Variants in PTPRM observed in about 807,000 individuals in gnomAD.
PTPRM encodes receptor-type tyrosine-protein phosphatase mu.
In PTPRM, 47 loss-of-function variants were observed where a neutral mutation model predicts 186.7. That is an observed-to-expected ratio of 0.25 (90% CI 0.20 to 0.32). The LOEUF (loss-of-function observed/expected upper bound fraction) is 0.32. Ranked by LOEUF, PTPRM falls within the 10% of genes least tolerant of loss-of-function variation. The pLI is 1.00. For missense variants in PTPRM, 1,494 were observed against 1,865.0 expected (o/e 0.80, Z 3.66); for synonymous variants, 668 against 674.9 (o/e 0.99, Z 0.16).
At chr18:7,706,812 T>G (rs932204929) in intron 1 of PTPRM, among the ~76,000 whole-genome samples, 2 of 151,994 alleles carry the variant, frequency 1.3e-5, no homozygotes, top group African/African-American at 4.8e-5. Context: ...ACTATAAATA[T>G]TGAGAATTTT....
At position 8,311,913 on chromosome 18, in the gene PTPRM, G is replaced by A. The variant is rs187907464; in HGVS notation, c.2843-2868G>A. 6.6e-5 allele frequency among the ~76,000 whole-genome samples: 10 copies of A among 152,290 alleles called. No individual in the cohort carries two copies. In the East Asian group the frequency reaches 1.7e-3, roughly 27 times the overall value. On this transcript the variant is annotated intron_variant, in intron 20 of 32. Coordinates refer to ENST00000580170, the MANE Select transcript of PTPRM (RefSeq NM_001105244.2). ...ATGGGTGGTAAATCACAGGGAATGA[G>A]CAGCACTCATCCTGAGGAGCTCAGA...
At chr18:8,003,162 A>C (rs2083971111) in intron 7 of PTPRM, among the ~76,000 whole-genome samples, 1 of 152,182 alleles carries the variant, frequency 6.6e-6, no homozygotes, top group Non-Finnish European at 1.5e-5. Flanking sequence ...GGGCGGGGCC[A>C]GGTGGAGATA....
chr18:8,303,461 G>A (rs1057359216), intron 20 of PTPRM, among the ~76,000 whole-genome samples: 1 of 152,166 alleles, frequency 6.6e-6, no homozygotes, highest in Non-Finnish European at 1.5e-5. Context: ...TGCTAATTGA[G>A]TGACTCCAAC....
chr18:8,161,962 A>C (rs1438323835), intron 14 of PTPRM, among the ~76,000 whole-genome samples: 2 of 152,178 alleles, frequency 1.3e-5, no homozygotes, highest in Admixed American at 6.5e-5. Flanking sequence ...TGTGTTCTGC[A>C]CTGGGATTGC....
chr18:7,956,058 TGAAGCTCCCCAATTAGA>T lies in PTPRM; in HGVS notation c.1132+647_1132+663del, dbSNP rs1382130954. Reference sequence around the variant, plus strand: ...AATCTTCCAAAAATCAAAACCTGAATGAAGCTCCCCAATTAGAGATTGTAGTGTTGTTTCCGTATGGC... The same window carrying T: ...AATCTTCCAAAAATCAAAACCTGAATGATTGTAGTGTTGTTTCCGTATGGC... On this transcript the variant is annotated intron_variant, in intron 7 of 32. Transcript: ENST00000580170. 2.0e-5 allele frequency among the ~76,000 whole-genome samples: 3 copies of T among 152,286 alleles called. No homozygotes were observed. The East Asian group carries it at 5.8e-4, about 29-fold the overall frequency.
chr18:8,139,885 A>G (rs1359564960), intron 13 of PTPRM, among the ~76,000 whole-genome samples: 2 of 152,146 alleles, frequency 1.3e-5, no homozygotes, highest in Non-Finnish European at 2.9e-5. Flanking sequence ...CCCCACAAGG[A>G]TTTAAGTTCC....
chr18:7,830,786 T>G (rs1483110589), intron 2 of PTPRM, among the ~76,000 whole-genome samples: 1 of 152,206 alleles, frequency 6.6e-6, no homozygotes, highest in Non-Finnish European at 1.5e-5. Flanking sequence ...GGTAAGTCTG[T>G]GTCCTTCCTC....
intron 2 of PTPRM, among the ~76,000 whole-genome samples, chr18:7,842,527 AGTGG>A (rs1391976499): frequency 6.6e-6 from 1 of 152,170 alleles, no homozygotes; most frequent in Non-Finnish European, 1.5e-5. Flanking sequence ...CATTTAAATC[AGTGG>A]GCTTGAGTTG....
intron 1 of PTPRM, among the ~76,000 whole-genome samples, chr18:7,719,956 C>T (rs548457426): frequency 1.3e-5 from 2 of 152,056 alleles, no homozygotes; most frequent in South Asian, 2.1e-4. Flanking sequence ...CCAAACTACT[C>T]GTTAGACTGA....
chr18:7,790,449 G>C (rs2043286555), intron 2 of PTPRM, among the ~76,000 whole-genome samples: 2 of 152,148 alleles, frequency 1.3e-5, no homozygotes, highest in Admixed American at 1.3e-4. Context: ...CGGTTTTCTG[G>C]GATCAGCATA....
chr18:7,818,933 C>G lies in PTPRM; in HGVS notation c.196+44662C>G, dbSNP rs570597544. Among the ~76,000 whole-genome samples the G allele has an allele frequency of 3.2e-4, 48 of 152,100 alleles. 2 individuals are homozygous for G. The highest frequency in any genetic ancestry group is 2.3e-3 in the Admixed American group (35 of 15,280). On this transcript the variant is annotated intron_variant, in intron 2 of 32. Coordinates refer to ENST00000580170, the MANE Select transcript of PTPRM (RefSeq NM_001105244.2). Reference sequence around the variant, plus strand: ...GGTGGAGAGGATTATAGACAGAGCCCTAGAAACCTCAGGTGTGAAAAGTGT... The same window carrying G: ...GGTGGAGAGGATTATAGACAGAGCCGTAGAAACCTCAGGTGTGAAAAGTGT...
rs533269501 is a variant in PTPRM at position 7,577,761 on chromosome 18, T to C, written c.73+9870T>C. 3.3e-5 allele frequency among the ~76,000 whole-genome samples: 5 copies of C among 152,272 alleles called. No individual in the cohort carries two copies. In the East Asian group the frequency reaches 7.7e-4, roughly 24 times the overall value. On this transcript the variant is annotated intron_variant, in intron 1 of 32. Transcript: ENST00000580170. ...TTCAGGTCATTGGCTCTCATTGGCATTGTGTTCTGTGTGTGTGTGTGTGAG... is the reference window on the plus strand; with the variant it reads ...TTCAGGTCATTGGCTCTCATTGGCACTGTGTTCTGTGTGTGTGTGTGTGAG...
chr18:7,870,709 A>G (rs1406151252), intron 2 of PTPRM, among the ~76,000 whole-genome samples: 1 of 152,238 alleles, frequency 6.6e-6, no homozygotes, highest in Non-Finnish European at 1.5e-5. Context: ...TATTTGAAAT[A>G]TAAAATCACT....
At chr18:8,217,789 A>G (rs548005239) in intron 14 of PTPRM, among the ~76,000 whole-genome samples, 1 of 152,294 alleles carries the variant, frequency 6.6e-6, no homozygotes, top group East Asian at 1.9e-4. Context: ...ATTTCCGTAC[A>G]TCACTACACG....
intron 1 of PTPRM, among the ~76,000 whole-genome samples, chr18:7,584,235 A>G (rs1230677813): frequency 6.6e-6 from 1 of 152,242 alleles, no homozygotes; most frequent in Non-Finnish European, 1.5e-5. Flanking sequence ...GCAATTATGA[A>G]TTCAGACATT....
At chr18:8,123,600 T>C (rs528028848) in intron 13 of PTPRM, among the ~76,000 whole-genome samples, 2 of 152,236 alleles carry the variant, frequency 1.3e-5, no homozygotes, top group African/African-American at 4.8e-5. Context: ...AGTATTTCTT[T>C]TCCTGATTGA....
chr18:8,230,899 A>G (rs1002016531), intron 14 of PTPRM, among the ~76,000 whole-genome samples: 26 of 152,182 alleles, frequency 1.7e-4, no homozygotes, highest in African/African-American at 5.8e-4. Flanking sequence ...GGTATAATAT[A>G]TGCATTGTTT....
rs186893497 is a variant in PTPRM, at chr18:7,714,950, C to T, written c.74-59199C>T. ...TTCTACGAGAGGTACAAAGACCATT[C>T]CTTCCGAAACTATTCCAAACAATAG... On this transcript the variant is annotated intron_variant, in intron 1 of 32. Transcript: ENST00000580170. Among the ~76,000 whole-genome samples the T allele has an allele frequency of 4.6e-4, 69 of 151,436 alleles. 1 individual carries two copies. The East Asian group carries it at 0.013, about 28-fold the overall frequency.
intron 7 of PTPRM, among the ~76,000 whole-genome samples, chr18:7,996,001 TC>T (rs1233498501): frequency 6.6e-6 from 1 of 152,162 alleles, no homozygotes; most frequent in Non-Finnish European, 1.5e-5. Context: ...CCTTGGTTTT[TC>T]TGGGCTTCTG....
Sources: gnomAD v4.1 joint callset for allele counts (sites outside exome capture counted in the v4.1 genomes callset) on GRCh38, gnomAD v4.1.1 for gene constraint, MANE v1.5 for transcripts, NCBI Gene and HGNC (gene_info 2026-07-23, HGNC 2026-07-21) for gene names.